PLEKHD1: variants seen among roughly 807,000 people sequenced by gnomAD.
PLEKHD1 encodes pleckstrin homology and coiled-coil domain containing D1, also known as pleckstrin homology domain-containing family D member 1.
PLEKHD1 carries 51 observed loss-of-function variants against 69.2 expected under a neutral mutation model. The observed-to-expected ratio is 0.74, with a 90% CI of 0.59 to 0.93. The LOEUF (loss-of-function observed/expected upper bound fraction) is 0.93, where lower values mean the gene tolerates loss of function less well. PLEKHD1 is among the 40% of genes least tolerant of loss of function. The pLI is 0.00. For missense variants in PLEKHD1, 584 were observed against 641.0 expected (o/e 0.91, Z 0.96); for synonymous variants, 236 against 244.7 (o/e 0.96, Z 0.33).
In PLEKHD1 at chr14:69,526,722, C is replaced by T. The variant is rs781557487; in HGVS notation, c.949C>T (p.Arg317Trp). The T allele has an allele frequency of 3.3e-5, 51 of 1,542,580 alleles. No homozygotes were observed. The highest frequency in any genetic ancestry group is 2.2e-4 in the African/African-American group (16 of 72,708). ...KRMKENEERS[R>W]ALEEEREFYS... is the part of the protein sequence containing the mutation. ...GATGAAGGAGAACGAGGAGCGCTCA[C>T]GGGCCCTGGAGGAGGAGCGTGAGTT... The change falls in exon 10 of 13, where the codon CGG (arginine) becomes TGG (tryptophan). Residue 317 changes from arginine (R) to tryptophan (W), a missense_variant. Transcript: ENST00000322564.
the PLEKHD1 span, among the ~76,000 whole-genome samples, chr14:69,470,198 C>T: frequency 6.6e-6 from 1 of 151,888 alleles, no homozygotes; most frequent in Non-Finnish European, 1.5e-5. Context: ...CACAGTGGCT[C>T]ATGCCTGTAA....
Position 69,527,729 on chromosome 14 carries a change from G to T in PLEKHD1, c.1202-54G>T. 3.2e-6 allele frequency: 5 copies of T among 1,539,134 alleles called. 1 individual carries two copies. Among genetic ancestry groups the T allele is most frequent in the South Asian group, 2.4e-5 (2 of 83,722 alleles). ...AGGATCCTTGGGAAGGGAGGGACTG[G>T]CTGGGGGTAAGGATGCAGTCGGAAC... On this transcript the variant is annotated intron_variant, in intron 11 of 12. Transcript: ENST00000322564.
chr14:69,501,971 T>C, intron 5 of PLEKHD1, 146 bp downstream of exon 5: 1 of 641,766 alleles, frequency 1.6e-6, no homozygotes, highest in Non-Finnish European at 2.7e-6. Flanking sequence ...CCTGGAGGGC[T>C]TCCTGGTACA....
intron 1 of PLEKHD1, among the ~76,000 whole-genome samples, chr14:69,488,378 A>T (rs1882699629): frequency 6.6e-6 from 1 of 152,126 alleles, no homozygotes; most frequent in Admixed American, 6.5e-5. Context: ...CAGAGAGAAG[A>T]GCCTATCATG....
chr14:69,493,625 T>C (rs548349157), intron 1 of PLEKHD1, among the ~76,000 whole-genome samples: 1 of 152,372 alleles, frequency 6.6e-6, no homozygotes, highest in East Asian at 1.9e-4. Flanking sequence ...TCAGGGCCTT[T>C]GCACCTGCAG....
chr14:69,529,775 G>A lies in PLEKHD1; in HGVS notation c.*1356G>A, dbSNP rs1016333050. On this transcript the variant is annotated 3_prime_UTR_variant, in exon 13 of 13. Transcript: ENST00000322564. ...GAACTCTGGCAGCTGGGGACCCTGG[G>A]CCTGTGATGAGGCCAGTAGTCATTG... The A allele has an allele frequency of 6.6e-6, 1 of 152,228 alleles. No homozygotes were observed. The highest frequency in any genetic ancestry group is 2.4e-5 in the African/African-American group (1 of 41,460). The allele number at this position is 152,228 out of a possible 1,614,324, so 9.4% of individuals were successfully genotyped here.
At chr14:69,477,189 T>G in the PLEKHD1 span, among the ~76,000 whole-genome samples, 2 of 152,082 alleles carry the variant, frequency 1.3e-5, no homozygotes, top group Non-Finnish European at 2.9e-5. Context: ...ATTTTTGGAT[T>G]TTTAGTAGAG....
intron 4 of PLEKHD1, chr14:69,501,258 G>A (rs1184869792): frequency 8.8e-6 from 4 of 456,380 alleles, no homozygotes; most frequent in East Asian, 4.1e-5. Context: ...ATTCTAGCAA[G>A]GACTAGAGCT....
the PLEKHD1 span, among the ~76,000 whole-genome samples, chr14:69,475,066 G>C: frequency 6.6e-6 from 1 of 152,296 alleles, no homozygotes; most frequent in African/African-American, 2.4e-5. Context: ...AAAGTAACTT[G>C]ACCAAAGTCT....
chr14:69,495,958 G>C (rs148387596), intron 1 of PLEKHD1, among the ~76,000 whole-genome samples: 1 of 152,228 alleles, frequency 6.6e-6, no homozygotes, highest in East Asian at 1.9e-4. Context: ...TAAGGAGACA[G>C]GGATTTTTGT....
intron 1 of PLEKHD1, among the ~76,000 whole-genome samples, chr14:69,494,850 G>A (rs1882852824): frequency 6.6e-6 from 1 of 152,236 alleles, no homozygotes; most frequent in South Asian, 2.1e-4. Context: ...AAATAGCAGG[G>A]CTGTCACTGA....
the PLEKHD1 span, among the ~76,000 whole-genome samples, chr14:69,476,861 A>T: frequency 6.6e-6 from 1 of 152,198 alleles, no homozygotes; most frequent in East Asian, 1.9e-4. Context: ...GGCAATTTAC[A>T]AAAGAAAGAG....
Position 69,485,087 on chromosome 14 carries a change from GCAGGCCGTCGGC to G in PLEKHD1, c.125_136del (p.Arg42_Ala45del), listed in dbSNP as rs1312774771. The G allele has an allele frequency of 6.4e-7, 1 of 1,550,784 alleles. No homozygotes were observed. The highest frequency in any genetic ancestry group is 1.4e-5 in the African/African-American group (1 of 73,060). On this transcript the variant is annotated inframe_deletion, in exon 1 of 13. Transcript: ENST00000322564. ...GGCGTGCTGTGGAAGAGGCCTTTCG[GCAGGCCGTCGGC>G]CAAGTGGTCCCGGCGGTGAGTGCGC...
chr14:69,522,900 A>G (rs1173491024), intron 7 of PLEKHD1, among the ~76,000 whole-genome samples: 1 of 151,974 alleles, frequency 6.6e-6, no homozygotes, highest in African/African-American at 2.4e-5. Flanking sequence ...GTATATATCT[A>G]TATACATGTA....
intron 6 of PLEKHD1, among the ~76,000 whole-genome samples, chr14:69,519,559 T>G (rs1883462138): frequency 6.6e-6 from 1 of 152,110 alleles, no homozygotes; most frequent in South Asian, 2.1e-4. Context: ...TTCCAGTCAT[T>G]CCAAGCCAAA....
intron 1 of PLEKHD1, among the ~76,000 whole-genome samples, chr14:69,497,911 A>C (rs1316117239): frequency 6.6e-6 from 1 of 152,048 alleles, no homozygotes; most frequent in Non-Finnish European, 1.5e-5. Context: ...AATGGGGCTG[A>C]GTACAGTGGC....
intron 7 of PLEKHD1, among the ~76,000 whole-genome samples, chr14:69,522,751 A>G (rs911071304): frequency 3.3e-5 from 5 of 152,144 alleles, no homozygotes; most frequent in African/African-American, 1.2e-4. Flanking sequence ...TCTTTCCTGC[A>G]TAGTCCTTTT....
At position 69,522,289 on chromosome 14, in the gene PLEKHD1, G is replaced by A; in HGVS notation, c.562G>A (p.Glu188Lys). The A allele has an allele frequency of 1.3e-6, 2 of 1,551,378 alleles. No homozygotes were observed. The highest frequency in any genetic ancestry group is 1.4e-5 in the African/African-American group (1 of 73,138). Residue 188 changes from glutamate to lysine, a missense_variant, in exon 7 of 13, where the codon GAG (glutamate) becomes AAG (lysine). Glu to Lys is a moderately conservative substitution (Grantham distance 56, BLOSUM62 1). Transcript: ENST00000322564. Reference sequence around the variant, plus strand: ...TCCTCTCTGGTCTCTTCAGGAGCTTGAGCGCCTTAACCAGGTGCTGGAGGC... The same window carrying A: ...TCCTCTCTGGTCTCTTCAGGAGCTTAAGCGCCTTAACCAGGTGCTGGAGGC... ...CLQREQREEL[E>K]RLNQVLEAEK...
intron 1 of PLEKHD1, among the ~76,000 whole-genome samples, chr14:69,498,662 T>TCTTCTCTTCTCTTCTC (rs1566557403): frequency 2.9e-4 from 39 of 135,164 alleles, no homozygotes; most frequent in Admixed American, 3.5e-4. Flanking sequence ...TCTTCTCTTC[T>TCTTCTCTTCTCTTCTC]TTGAGATGGA....
Sources: gnomAD v4.1 joint callset for allele counts (sites outside exome capture counted in the v4.1 genomes callset) on GRCh38, gnomAD v4.1.1 for gene constraint, MANE v1.5 for transcripts, NCBI Gene and HGNC (gene_info 2026-07-23, HGNC 2026-07-21) for gene names.